The following IGF1R variants were observed in gnomAD, a reference collection of about 807,000 sequenced individuals.
The protein encoded by IGF1R is insulin like growth factor 1 receptor.
IGF1R carries 44 observed loss-of-function variants against 144.6 expected under a neutral mutation model. That is an observed-to-expected ratio of 0.30 (90% CI 0.24 to 0.39). IGF1R has a LOEUF of 0.39. Ranked by LOEUF, IGF1R falls within the 10% of genes least tolerant of loss-of-function variation. The pLI, the probability that IGF1R is intolerant of heterozygous loss-of-function variation, is 1.00. For missense variants in IGF1R, 1,355 were observed against 1,833.7 expected, an observed-to-expected ratio of 0.74 and a Z score of 4.77; for synonymous variants, 795 against 722.8, an observed-to-expected ratio of 1.10 and a Z score of -1.60.
chr15:98,928,063 C>T (rs142256370), intron 13 of IGF1R, among the ~76,000 whole-genome samples: 1 of 152,344 alleles, frequency 6.6e-6, no homozygotes, highest in African/African-American at 2.4e-5. Context: ...ACTCTTCTTT[C>T]TGTTCAGCCA....
chr15:98,653,967 T>G (rs2052427854), intron 1 of IGF1R, among the ~76,000 whole-genome samples: 1 of 152,246 alleles, frequency 6.6e-6, no homozygotes, highest in South Asian at 2.1e-4. Flanking sequence ...GTGCACCTAC[T>G]GTATGAAAGC....
chr15:98,803,678 G>A (rs1050486807), intron 2 of IGF1R, among the ~76,000 whole-genome samples: 3 of 151,880 alleles, frequency 2.0e-5, no homozygotes, highest in African/African-American at 7.3e-5. Flanking sequence ...ACTAATTTTT[G>A]TGTTTGTAGT....
At chr15:98,953,082 G>A (rs1399245994) in intron 20 of IGF1R, 1 of 152,266 alleles carries the variant, frequency 6.6e-6, no homozygotes, top group Non-Finnish European at 1.5e-5. Context: ...GCCCTTGGGA[G>A]TTGCCTTGAA....
intron 10 of IGF1R, 127 bp downstream of exon 10, chr15:98,917,003 G>C: frequency 2.4e-6 from 2 of 818,504 alleles, no homozygotes; most frequent in East Asian, 5.2e-5. Flanking sequence ...CACTGAGACG[G>C]AGCCGAAAAA....
At chr15:98,825,248 A>G (rs1173710989) in intron 2 of IGF1R, among the ~76,000 whole-genome samples, 1 of 152,058 alleles carries the variant, frequency 6.6e-6, no homozygotes, top group Non-Finnish European at 1.5e-5. Context: ...TCCCTGAGAA[A>G]ACTGGTACCT....
chr15:98,738,348 A>G (rs868015647), intron 2 of IGF1R, among the ~76,000 whole-genome samples: 29 of 152,120 alleles, frequency 1.9e-4, no homozygotes, highest in Admixed American at 1.6e-3. Flanking sequence ...TAGCTTGAAG[A>G]TCTTTCTTCT....
At chr15:98,709,361 A>T (rs1394730940) in intron 2 of IGF1R, among the ~76,000 whole-genome samples, 1 of 152,182 alleles carries the variant, frequency 6.6e-6, no homozygotes, top group Non-Finnish European at 1.5e-5. Flanking sequence ...TATTCTGCAG[A>T]ATTGGATCAG....
chr15:98,740,386 A>G (rs898729690), intron 2 of IGF1R, among the ~76,000 whole-genome samples: 1 of 152,252 alleles, frequency 6.6e-6, no homozygotes, highest in African/African-American at 2.4e-5. Flanking sequence ...AAAGCATTTA[A>G]CAGGTCAAGG....
chr15:98,836,890 A>C (rs1272790410), intron 2 of IGF1R, among the ~76,000 whole-genome samples: 1 of 152,200 alleles, frequency 6.6e-6, no homozygotes, highest in African/African-American at 2.4e-5. Flanking sequence ...GACTACTACA[A>C]GATTGACATT....
chr15:98,788,034 A>ATC (rs33910472), intron 2 of IGF1R, among the ~76,000 whole-genome samples: 1 of 133,780 alleles, frequency 7.5e-6, no homozygotes, highest in African/African-American at 2.8e-5. Flanking sequence ...GTGGGTAGGG[A>ATC]TCTCTCTCTC....
intron 2 of IGF1R, among the ~76,000 whole-genome samples, chr15:98,819,887 T>C (rs2056770140): frequency 6.6e-6 from 1 of 152,206 alleles, no homozygotes; most frequent in African/African-American, 2.4e-5. Context: ...TCATACCTGC[T>C]TCTATGTTTA....
rs1318758920 is a variant in IGF1R, at chr15:98,963,887, T to TC, written c.*6449dup. 8.6e-6 allele frequency: 2 copies of TC among 233,108 alleles called. No individual in the cohort carries two copies. The highest frequency in any genetic ancestry group is 4.4e-5 in the African/African-American group (2 of 45,350). 14.4% of individuals were successfully genotyped at this position (233,108 alleles called of 1,614,324 possible). Reference sequence around the variant, plus strand: ...ACTCCAGTGGATTGTTGGCCATGTCTCCCCAACTCCACAATATCTCTATCA... The same window carrying TC: ...ACTCCAGTGGATTGTTGGCCATGTCTCCCCCAACTCCACAATATCTCTATCA... On this transcript the variant is annotated 3_prime_UTR_variant, in exon 21 of 21. Coordinates refer to ENST00000650285, the MANE Select transcript of IGF1R (RefSeq NM_000875.5).
At chr15:98,765,789 G>A (rs1198858819) in intron 2 of IGF1R, among the ~76,000 whole-genome samples, 1 of 152,154 alleles carries the variant, frequency 6.6e-6, no homozygotes, top group Non-Finnish European at 1.5e-5. Flanking sequence ...TCTCCCCCAT[G>A]ATTGCACAAC....
At chr15:98,675,616 G>A (rs187859278) in intron 1 of IGF1R, among the ~76,000 whole-genome samples, 1 of 152,112 alleles carries the variant, frequency 6.6e-6, no homozygotes, top group Non-Finnish European at 1.5e-5. Flanking sequence ...TGCCTAGTAA[G>A]TTTATACTCA....
intron 1 of IGF1R, among the ~76,000 whole-genome samples, chr15:98,676,980 G>C (rs543521744): frequency 6.6e-6 from 1 of 151,916 alleles, no homozygotes; most frequent in East Asian, 1.9e-4. Context: ...CCGTTACCCA[G>C]GCTGGAGTGC....
At chr15:98,920,566 C>G (rs1030826831) in intron 10 of IGF1R, among the ~76,000 whole-genome samples, 2 of 152,180 alleles carry the variant, frequency 1.3e-5, no homozygotes, top group African/African-American at 2.4e-5. Flanking sequence ...AAAGATTTCC[C>G]TGACAGTAAA....
rs374185557 is a variant in IGF1R at position 98,791,264 on chromosome 15, C to G, written c.640+83157C>G. Among the ~76,000 whole-genome samples, 366 of 152,320 alleles carry G rather than the reference C, an allele frequency of 2.4e-3. 1 individual carries two copies. Among genetic ancestry groups the G allele is most frequent in the African/African-American group, 8.5e-3 (352 of 41,570 alleles). On this transcript the variant is annotated intron_variant, in intron 2 of 20. Transcript: ENST00000650285. ...CTGTTGCATCATCTTTCAAATGCAA[C>G]AGCTGTAATGATATTCTGTATCTTG...
At chr15:98,695,087 A>G (rs985057313) in intron 1 of IGF1R, among the ~76,000 whole-genome samples, 3 of 152,076 alleles carry the variant, frequency 2.0e-5, no homozygotes, top group Non-Finnish European at 4.4e-5. Context: ...TCCTGCCTCT[A>G]TGGGTTGTGA....
rs374121578 is a variant in IGF1R at position 98,942,964 on chromosome 15, C to T, written c.3499C>T (p.Arg1167Trp). ...AGATATCTATGAGACAGACTATTAC[C>T]GGAAAGGAGGGAAAGGGCTGCTGCC... ...TRDIYETDYY[R>W]KGGKGLLPVR... Residue 1167 changes from arginine to tryptophan, a missense_variant, in exon 19 of 21, where the codon CGG becomes TGG. Physicochemically the swap from Arg to Trp is moderately radical, Grantham distance 101 (BLOSUM62 -3). This residue lies in a region of IGF1R where 77 missense variants were observed against 163.2 expected (regional missense o/e 0.47). Coordinates refer to ENST00000650285, the MANE Select transcript of IGF1R (RefSeq NM_000875.5). 5.0e-6 allele frequency: 8 copies of T among 1,614,120 alleles called. No homozygotes were observed. The highest frequency in any genetic ancestry group is 2.2e-5 in the East Asian group (1 of 44,882).
Sources: allele counts gnomAD v4.1 joint callset (sites outside exome capture counted in the v4.1 genomes callset), GRCh38; gene constraint gnomAD v4.1.1; regional missense constraint gnomAD v4.1.1; transcripts MANE v1.5; gene names NCBI Gene and HGNC (gene_info 2026-07-23, HGNC 2026-07-21).